The following COL5A2 variants were observed in gnomAD, a reference collection of about 807,000 sequenced individuals.
COL5A2 encodes collagen alpha-2(V) chain.
In COL5A2, 23 loss-of-function variants were observed where a neutral mutation model predicts 208.2. The ratio of observed to expected loss-of-function variants is 0.11; its 90% confidence interval spans 0.08 to 0.16. The LOEUF is 0.16. COL5A2 is among the 10% of genes least tolerant of loss of function. The probability of loss-of-function intolerance (pLI) is 1.00; values close to 1 mark genes in which losing one functional copy is unlikely to be tolerated. For synonymous variants in COL5A2, 625 were observed against 628.5 expected (o/e 0.99, Z 0.08); for missense variants, 1,590 against 1,956.4 (o/e 0.81, Z 3.53).
chr2:189,262,113 G>T, the COL5A2 span, among the ~76,000 whole-genome samples: 1 of 152,042 alleles, frequency 6.6e-6, no homozygotes, highest in South Asian at 2.1e-4. Flanking sequence ...AATAACGCTT[G>T]TCCAGTTTCC....
chr2:189,086,685 T>G, intron 9 of COL5A2, 41 bp downstream of exon 9: 1 of 1,482,124 alleles, frequency 6.7e-7, no homozygotes, highest in Non-Finnish European at 9.3e-7. Context: ...TGTGTGTGTA[T>G]GTTTTTCTTA....
chr2:189,289,193 T>G, the COL5A2 span, among the ~76,000 whole-genome samples: 1 of 151,676 alleles, frequency 6.6e-6, no homozygotes, highest in Non-Finnish European at 1.5e-5. Flanking sequence ...AATACAAAAA[T>G]TAGCTGGGCG....
the COL5A2 span, among the ~76,000 whole-genome samples, chr2:189,292,295 T>A: frequency 6.6e-6 from 1 of 152,164 alleles, no homozygotes. Flanking sequence ...CTATTTTAGG[T>A]AAGAAATTAT....
At chr2:189,191,159 CAAA>C (rs1688920131) in intron 1 of COL5A2, among the ~76,000 whole-genome samples, 2 of 19,130 alleles carry the variant, frequency 1.0e-4, no homozygotes, top group Admixed American at 6.7e-4. Flanking sequence ...AAACAAAAAA[CAAA>C]CAAACAACAA....
chr2:189,348,522 GAAGT>G, the COL5A2 span, among the ~76,000 whole-genome samples: 4 of 152,268 alleles, frequency 2.6e-5, no homozygotes, highest in African/African-American at 9.6e-5. Flanking sequence ...ATGGAGAACT[GAAGT>G]AAGAGTTATG....
At chr2:189,053,197 A>C (rs1685828815) in intron 38 of COL5A2, among the ~76,000 whole-genome samples, 179 bp from the exon 39 acceptor site, 1 of 152,200 alleles carries the variant, frequency 6.6e-6, no homozygotes, top group Non-Finnish European at 1.5e-5. Context: ...CAGCCTAAAA[A>C]ATAAGCTATC....
At chr2:189,440,422 C>T in the COL5A2 span, among the ~76,000 whole-genome samples, 72 of 152,312 alleles carry the variant, frequency 4.7e-4, no homozygotes, top group South Asian at 1.0e-3. Flanking sequence ...ATCTGAACAA[C>T]ATGTTACTGT....
the COL5A2 span, among the ~76,000 whole-genome samples, chr2:189,286,630 G>A: frequency 6.6e-6 from 1 of 152,172 alleles, no homozygotes; most frequent in Non-Finnish European, 1.5e-5. Context: ...CCACAGCACA[G>A]AAGAGACTTA....
At chr2:189,151,493 G>A (rs968626273) in intron 1 of COL5A2, among the ~76,000 whole-genome samples, 2 of 151,988 alleles carry the variant, frequency 1.3e-5, no homozygotes, top group African/African-American at 2.4e-5. Context: ...CATACATGAC[G>A]GTAAATGTTT....
intron 1 of COL5A2, among the ~76,000 whole-genome samples, chr2:189,115,762 C>T (rs537721418): frequency 2.6e-5 from 4 of 152,150 alleles, no homozygotes; most frequent in Non-Finnish European, 4.4e-5. Context: ...CTTTGATAAA[C>T]GTATGTGTAG....
At chr2:189,174,949 A>G (rs1688648438) in intron 1 of COL5A2, among the ~76,000 whole-genome samples, 1 of 152,228 alleles carries the variant, frequency 6.6e-6, no homozygotes, top group African/African-American at 2.4e-5. Flanking sequence ...CCTAATATTT[A>G]TGTGCCATTC....
the COL5A2 span, among the ~76,000 whole-genome samples, chr2:189,230,833 C>T: frequency 6.6e-6 from 1 of 151,894 alleles, no homozygotes; most frequent in African/African-American, 2.4e-5. Context: ...AGTCAGTTCA[C>T]TTCTGGATAT....
the COL5A2 span, among the ~76,000 whole-genome samples, chr2:189,362,395 A>G: frequency 2.0e-5 from 3 of 152,128 alleles, no homozygotes; most frequent in East Asian, 1.9e-4. Context: ...CCCTTTACCC[A>G]TAATTTATCT....
intron 1 of COL5A2, among the ~76,000 whole-genome samples, chr2:189,187,201 T>C (rs1688863791): frequency 6.6e-6 from 1 of 152,194 alleles, no homozygotes; most frequent in Non-Finnish European, 1.5e-5. Context: ...ATGCACCAGA[T>C]GATTGCTCCC....
the COL5A2 span, among the ~76,000 whole-genome samples, chr2:189,372,655 A>G: frequency 5.9e-5 from 9 of 152,148 alleles, no homozygotes; most frequent in African/African-American, 1.7e-4. Flanking sequence ...AGGATTTTTT[A>G]CTTTTAATTT....
At chr2:189,334,960 A>T in the COL5A2 span, among the ~76,000 whole-genome samples, 17 of 152,134 alleles carry the variant, frequency 1.1e-4, no homozygotes, top group Non-Finnish European at 1.3e-4. Context: ...AGGTGTCAAG[A>T]TAATTTAATA....
At chr2:189,385,384 G>A in the COL5A2 span, among the ~76,000 whole-genome samples, 4 of 151,764 alleles carry the variant, frequency 2.6e-5, no homozygotes, top group Non-Finnish European at 4.4e-5. Context: ...TAAAAGACAC[G>A]TACAAAAAAA....
chr2:189,034,252 A>C (rs556961386), intron 53 of COL5A2, 36 bp from the exon 54 acceptor site: 1 of 1,612,870 alleles, frequency 6.2e-7, no homozygotes, highest in South Asian at 1.1e-5. Context: ...AAATGTACAT[A>C]CAATTTTTTC....
chr2:189,391,562 T>C, the COL5A2 span, among the ~76,000 whole-genome samples: 1 of 152,126 alleles, frequency 6.6e-6, no homozygotes, highest in African/African-American at 2.4e-5. Flanking sequence ...GATTGTCTTT[T>C]ACCAATAGAA....
Sources: gnomAD v4.1 joint callset for allele counts (sites outside exome capture counted in the v4.1 genomes callset) on GRCh38, gnomAD v4.1.1 for gene constraint, MANE v1.5 for transcripts, NCBI Gene and HGNC (gene_info 2026-07-23, HGNC 2026-07-21) for gene names.